Variants in SLC25A21 observed in about 807,000 individuals in gnomAD.
SLC25A21 encodes the protein mitochondrial 2-oxodicarboxylate carrier.
Under a neutral mutation model 43.8 loss-of-function variants are expected in SLC25A21, and 47 were observed. The ratio of observed to expected loss-of-function variants is 1.07; its 90% CI spans 0.85 to 1.37. The LOEUF (loss-of-function observed/expected upper bound fraction) is 1.37. Among genes scored for constraint, SLC25A21 ranks in the 40% most tolerant of loss-of-function variants. The pLI is 0.00. For missense variants in SLC25A21, 352 were observed against 350.2 expected (o/e 1.00, Z -0.04); for synonymous variants, 131 against 121.3 (o/e 1.08, Z -0.52).
chr14:36,734,563 A>C lies in SLC25A21; in HGVS notation c.214T>G (p.Phe72Val). The C allele has an allele frequency of 1.2e-6, 2 of 1,604,532 alleles. No homozygotes were observed. Among genetic ancestry groups the C allele is most frequent in the South Asian group, 2.2e-5 (2 of 89,122 alleles). ...ATAGGTGGCAGAATTCCCTTGTAAA[A>C]ACCAAATAACCTGTTGGAGAAATAA... ...MIFQMEGLFG[F>V]YKGILPPILA... The change falls in exon 4 of 10, where the codon TTT (phenylalanine) becomes GTT (valine). Residue 72 changes from phenylalanine (F) to valine (V), a missense_variant. By Grantham distance (50) the Phe-to-Val change is conservative. Coordinates refer to ENST00000331299, the MANE Select transcript of SLC25A21 (RefSeq NM_030631.4).
intron 1 of SLC25A21, among the ~76,000 whole-genome samples, chr14:36,974,388 C>G (rs1184186366): frequency 6.6e-6 from 1 of 152,090 alleles, no homozygotes; most frequent in Non-Finnish European, 1.5e-5. Context: ...GTACACATAC[C>G]TTCCTTTTGG....
At chr14:37,133,143 G>GCACA (rs33962615) in intron 1 of SLC25A21, among the ~76,000 whole-genome samples, 6,667 of 148,028 alleles carry the variant, frequency 0.045, 222 homozygotes, top group Admixed American at 0.094. Context: ...GTGCACTCGT[G>GCACA]CACACACACA....
chr14:37,113,759 C>T (rs887254724), intron 1 of SLC25A21, among the ~76,000 whole-genome samples: 1 of 148,116 alleles, frequency 6.8e-6, no homozygotes, highest in African/African-American at 2.5e-5. Context: ...GAGGCTGAGG[C>T]TGGAGAATCA....
At chr14:36,933,124 T>G (rs962733642) in intron 1 of SLC25A21, among the ~76,000 whole-genome samples, 3 of 152,146 alleles carry the variant, frequency 2.0e-5, no homozygotes, top group Non-Finnish European at 4.4e-5. Context: ...CACCCCTAGT[T>G]AGATCTAGGT....
At chr14:36,698,497 G>A (rs748110138) in intron 7 of SLC25A21, among the ~76,000 whole-genome samples, 9 of 152,104 alleles carry the variant, frequency 5.9e-5, no homozygotes, top group East Asian at 1.9e-4. Context: ...GAATAATATC[G>A]TGAAGAGTGT....
intron 1 of SLC25A21, among the ~76,000 whole-genome samples, chr14:36,928,096 C>T (rs565842829): frequency 6.6e-6 from 1 of 152,300 alleles, no homozygotes; most frequent in South Asian, 2.1e-4. Context: ...AGAAGTCATG[C>T]TGACTTCCTA....
intron 1 of SLC25A21, among the ~76,000 whole-genome samples, chr14:37,162,757 G>C (rs1963967241): frequency 6.6e-6 from 1 of 152,128 alleles, no homozygotes; most frequent in Non-Finnish European, 1.5e-5. Flanking sequence ...TCCAGAACTA[G>C]AAATACCATT....
At chr14:36,806,468 GT>G (rs1260212413) in intron 3 of SLC25A21, among the ~76,000 whole-genome samples, 2 of 152,088 alleles carry the variant, frequency 1.3e-5, no homozygotes, top group Non-Finnish European at 2.9e-5. Flanking sequence ...ATGTATTGAA[GT>G]GTCCCTACAT....
At chr14:37,149,472 G>A (rs1179941651) in intron 1 of SLC25A21, among the ~76,000 whole-genome samples, 9 of 151,984 alleles carry the variant, frequency 5.9e-5, no homozygotes, top group Admixed American at 2.6e-4. Flanking sequence ...CGCTAGGGCC[G>A]GCCACGGTGG....
intron 1 of SLC25A21, among the ~76,000 whole-genome samples, chr14:37,118,956 A>T (rs1266858008): frequency 6.6e-6 from 1 of 152,160 alleles, no homozygotes; most frequent in East Asian, 1.9e-4. Context: ...CACAAGATAC[A>T]AGTCACAAAG....
chr14:36,800,766 A>T (rs1292810755), intron 3 of SLC25A21, among the ~76,000 whole-genome samples: 2 of 151,736 alleles, frequency 1.3e-5, no homozygotes, highest in Non-Finnish European at 2.9e-5. Flanking sequence ...AAGTAAAAAT[A>T]AAAAAAAATT....
intron 1 of SLC25A21, among the ~76,000 whole-genome samples, chr14:37,158,827 G>GA (rs1423729806): frequency 6.6e-6 from 1 of 151,994 alleles, no homozygotes; most frequent in South Asian, 2.1e-4. Context: ...CTTGTATCTA[G>GA]AAAAAACTTA....
chr14:36,932,908 C>T (rs1326640447), intron 1 of SLC25A21, among the ~76,000 whole-genome samples: 1 of 151,992 alleles, frequency 6.6e-6, no homozygotes, highest in Non-Finnish European at 1.5e-5. Context: ...TTCTGGTATT[C>T]CTCATAGGAT....
chr14:36,841,807 C>T (rs781046717), intron 2 of SLC25A21, among the ~76,000 whole-genome samples: 1 of 152,196 alleles, frequency 6.6e-6, no homozygotes, highest in Non-Finnish European at 1.5e-5. Context: ...GTTAGCTCTC[C>T]TCCAACCCAT....
At chr14:36,977,614 C>A (rs549050983) in intron 1 of SLC25A21, among the ~76,000 whole-genome samples, 4 of 152,120 alleles carry the variant, frequency 2.6e-5, no homozygotes, top group Non-Finnish European at 5.9e-5. Flanking sequence ...GATGTCACCA[C>A]ACCATAATTT....
At chr14:37,158,188 A>G (rs1421508422) in intron 1 of SLC25A21, among the ~76,000 whole-genome samples, 1 of 152,176 alleles carries the variant, frequency 6.6e-6, no homozygotes. Context: ...TCCTGAAACT[A>G]TTGCAAAAAA....
At chr14:36,865,626 C>T (rs1157549439) in intron 2 of SLC25A21, among the ~76,000 whole-genome samples, 1 of 152,072 alleles carries the variant, frequency 6.6e-6, no homozygotes, top group Non-Finnish European at 1.5e-5. Context: ...ATTTACATGA[C>T]TTTTTACAAA....
Position 36,758,019 on chromosome 14 carries a change from G to A in SLC25A21, c.204-23446C>T, listed in dbSNP as rs143133541. Among the ~76,000 whole-genome samples the A allele has an allele frequency of 2.2e-3, 342 of 152,308 alleles. 1 individual carries two copies. The highest frequency in any genetic ancestry group is 7.6e-3 in the African/African-American group (317 of 41,570). On this transcript the variant is annotated intron_variant, in intron 3 of 9. Transcript: ENST00000331299. ...TTAATTCTTCAAGGGGAGCCTTTGC[G>A]TTTTCCTTTAAGTAGCAGAAAAGTG...
intron 1 of SLC25A21, among the ~76,000 whole-genome samples, chr14:37,122,386 C>T (rs888994358): frequency 2.5e-4 from 38 of 152,164 alleles, no homozygotes; most frequent in Non-Finnish European, 8.8e-5. Flanking sequence ...CATTCCTTCC[C>T]TTATTCGTTC....
Sources: gnomAD v4.1 joint callset for allele counts (sites outside exome capture counted in the v4.1 genomes callset) on GRCh38, gnomAD v4.1.1 for gene constraint, MANE v1.5 for transcripts, NCBI Gene and HGNC (gene_info 2026-07-23, HGNC 2026-07-21) for gene names.